The following FBLN5 variants were observed in gnomAD, a reference collection of about 807,000 sequenced individuals.
The protein encoded by FBLN5 is fibulin 5.
In FBLN5, 24 loss-of-function variants were observed where a neutral mutation model predicts 61.6. The ratio of observed to expected loss-of-function variants is 0.39; its 90% CI spans 0.28 to 0.55. The LOEUF (loss-of-function observed/expected upper bound fraction) is 0.55. Ranked by LOEUF, FBLN5 falls within the 20% of genes least tolerant of loss-of-function variation. The pLI is 0.65. For synonymous variants in FBLN5, 213 were observed against 219.8 expected (o/e 0.97, Z 0.27); for missense variants, 470 against 594.1 (o/e 0.79, Z 2.17).
chr14:91,914,646 A>G (rs895067378), intron 4 of FBLN5, among the ~76,000 whole-genome samples: 4 of 151,996 alleles, frequency 2.6e-5, no homozygotes, highest in African/African-American at 7.2e-5. Flanking sequence ...ATAAAAAAAG[A>G]AAAAAATTTA....
intron 6 of FBLN5, among the ~76,000 whole-genome samples, chr14:91,890,759 T>C (rs1222679519): frequency 6.6e-6 from 1 of 152,124 alleles, no homozygotes; most frequent in Non-Finnish European, 1.5e-5. Flanking sequence ...GGGAAAAGTA[T>C]AGCAAGAGAC....
intron 4 of FBLN5, among the ~76,000 whole-genome samples, chr14:91,928,931 G>A (rs770367931): frequency 2.0e-5 from 3 of 147,990 alleles, no homozygotes; most frequent in Non-Finnish European, 4.5e-5. Context: ...AGTGGCAGGC[G>A]CCTGTAGTCC....
chr14:91,885,051 G>A (rs1889664648), intron 7 of FBLN5, among the ~76,000 whole-genome samples: 1 of 152,184 alleles, frequency 6.6e-6, no homozygotes, highest in Non-Finnish European at 1.5e-5. Context: ...TACACGGAGA[G>A]GCCACCCCAG....
At chr14:91,930,583 G>A (rs1486914118) in intron 4 of FBLN5, among the ~76,000 whole-genome samples, 1 of 152,122 alleles carries the variant, frequency 6.6e-6, no homozygotes, top group Non-Finnish European at 1.5e-5. Context: ...CTCAGCCTGA[G>A]GACTGAGTTT....
chr14:91,931,807 A>C (rs968506964), intron 4 of FBLN5, among the ~76,000 whole-genome samples: 16 of 152,156 alleles, frequency 1.1e-4, no homozygotes, highest in Non-Finnish European at 2.2e-4. Context: ...AGTGGCGGCC[A>C]CGTTCAGGGA....
intron 4 of FBLN5, among the ~76,000 whole-genome samples, chr14:91,935,181 A>G (rs2055992631): frequency 6.6e-6 from 1 of 152,256 alleles, no homozygotes; most frequent in Admixed American, 6.5e-5. Flanking sequence ...AAATGGCATG[A>G]CGTCAGAGGG....
At chr14:91,897,746 C>T (rs1053143881) in intron 4 of FBLN5, among the ~76,000 whole-genome samples, 1 of 152,178 alleles carries the variant, frequency 6.6e-6, no homozygotes, top group Admixed American at 6.5e-5. Flanking sequence ...AGCACTTTTA[C>T]TGAACTAAAG....
chr14:91,899,118 T>C (rs552422473), intron 4 of FBLN5, among the ~76,000 whole-genome samples: 1 of 150,824 alleles, frequency 6.6e-6, no homozygotes, highest in East Asian at 2.0e-4. Context: ...CATTCATTCT[T>C]TATGCTCTAC....
At chr14:91,870,821 C>T (rs1359321057) in intron 10 of FBLN5, among the ~76,000 whole-genome samples, 7 of 152,130 alleles carry the variant, frequency 4.6e-5, no homozygotes, top group Admixed American at 1.3e-4. Context: ...CAGCATGGTG[C>T]CTTGAACACA....
chr14:91,872,381 T>G (rs556088823), intron 10 of FBLN5, among the ~76,000 whole-genome samples: 4 of 152,058 alleles, frequency 2.6e-5, no homozygotes, highest in African/African-American at 9.7e-5. Context: ...GAGGAAACAG[T>G]GTGAAGAAGA....
At chr14:91,914,743 G>C (rs768348011) in intron 4 of FBLN5, among the ~76,000 whole-genome samples, 14 of 150,682 alleles carry the variant, frequency 9.3e-5, no homozygotes, top group Non-Finnish European at 1.8e-4. Flanking sequence ...AAGAGATCGG[G>C]GAGAGCAACA....
intron 6 of FBLN5, among the ~76,000 whole-genome samples, chr14:91,890,190 G>A (rs527599300): frequency 1.3e-5 from 2 of 152,250 alleles, no homozygotes; most frequent in African/African-American, 4.8e-5. Context: ...AGCTTTGGAG[G>A]AGAGACTTAG....
In FBLN5 at chr14:91,947,162, A is replaced by G. The variant is rs2056197763; in HGVS notation, c.17+51T>C. ...ACCATTTTCCACCCATCGGATTTTTAGCAAGGCTTCCAGACCCTGGAGAAA... is the reference window on the plus strand; with the variant it reads ...ACCATTTTCCACCCATCGGATTTTTGGCAAGGCTTCCAGACCCTGGAGAAA... On this transcript the variant is annotated intron_variant, in intron 1 of 10. Transcript: ENST00000342058. This position sits in a 1 kb window ranked among gnomAD's most constrained non-coding sequence, Gnocchi z 4.3. 2 of 1,613,534 alleles carry G rather than the reference A, an allele frequency of 1.2e-6. No individual in the cohort carries two copies. The highest frequency in any genetic ancestry group is 4.5e-5 in the East Asian group (2 of 44,876).
chr14:91,932,434 G>A lies in FBLN5; in HGVS notation c.379+4513C>T, dbSNP rs149340360. ...GACTGGCCACCCAGGTGCTGAGCCC[G>A]GCCCCGCCCAGCCCATGGAAACAGC... On this transcript the variant is annotated intron_variant, in intron 4 of 10. Transcript: ENST00000342058. Among the ~76,000 whole-genome samples, 114 of 152,264 alleles carry A rather than the reference G, an allele frequency of 7.5e-4. 1 individual carries two copies. The East Asian group carries it at 0.016, about 22-fold the overall frequency.
chr14:91,946,261 C>T (rs74360508), intron 1 of FBLN5, among the ~76,000 whole-genome samples: 2 of 147,838 alleles, frequency 1.4e-5, no homozygotes, highest in African/African-American at 2.6e-5. Flanking sequence ...CACAGCATCA[C>T]GAATAGCTGC....
chr14:91,882,572 G>A lies in FBLN5; in HGVS notation c.862+382C>T, dbSNP rs570873814. 2.6e-5 allele frequency among the ~76,000 whole-genome samples: 4 copies of A among 152,340 alleles called. No individual in the cohort carries two copies. In the East Asian group the frequency reaches 7.7e-4, roughly 29 times the overall value. On this transcript the variant is annotated intron_variant, in intron 8 of 10. Coordinates refer to ENST00000342058, the MANE Select transcript of FBLN5 (RefSeq NM_006329.4). This position sits in a 1 kb window ranked among gnomAD's most constrained non-coding sequence, Gnocchi z 4.9. ...AAAGGCTAACCAAACTGCCCTCCAG[G>A]CCACGTAAGAAAGCCCGGGCTCTGG... is the stretch of plus-strand genomic sequence containing the variant.
At chr14:91,881,653 C>T (rs1003449195) in intron 8 of FBLN5, among the ~76,000 whole-genome samples, 1 of 152,102 alleles carries the variant, frequency 6.6e-6, no homozygotes, top group African/African-American at 2.4e-5. Context: ...GTGAGCCAGG[C>T]ACAGTGGCTT....
intron 7 of FBLN5, among the ~76,000 whole-genome samples, chr14:91,884,705 G>A (rs1183058268): frequency 6.6e-6 from 1 of 152,228 alleles, no homozygotes; most frequent in Non-Finnish European, 1.5e-5. Flanking sequence ...CTGTGCTGAG[G>A]GATCAGCGGA....
intron 6 of FBLN5, among the ~76,000 whole-genome samples, chr14:91,889,487 T>C (rs1315354351): frequency 1.3e-5 from 2 of 152,186 alleles, no homozygotes; most frequent in Non-Finnish European, 1.5e-5. Context: ...GGGCCCCTGG[T>C]TTTACTCTCA....
Sources: allele counts gnomAD v4.1 joint callset (sites outside exome capture counted in the v4.1 genomes callset), GRCh38; gene constraint gnomAD v4.1.1; non-coding constraint Gnocchi (gnomAD v3.1); transcripts MANE v1.5; gene names NCBI Gene and HGNC (gene_info 2026-07-23, HGNC 2026-07-21).